The following ZNF608 variants were observed in gnomAD, a reference collection of about 807,000 sequenced individuals.
ZNF608 encodes renal carcinoma antigen NY-REN-36.
A neutral mutation model predicts 109.0 loss-of-function variants in ZNF608; 12 were observed. That is an observed-to-expected ratio of 0.11 (90% confidence interval 0.07 to 0.18). ZNF608 has a LOEUF of 0.18. ZNF608 is among the 10% of genes least tolerant of loss of function. The probability of loss-of-function intolerance (pLI) is 1.00; values close to 1 mark genes in which losing one functional copy is unlikely to be tolerated. For missense variants in ZNF608, 1,707 were observed against 1,879.3 expected (o/e 0.91, Z 1.70); for synonymous variants, 732 against 717.4 (o/e 1.02, Z -0.33).
chr5:124,731,475 T>G (rs1264621895), intron 2 of ZNF608, among the ~76,000 whole-genome samples: 1 of 151,424 alleles, frequency 6.6e-6, no homozygotes, highest in Non-Finnish European at 1.5e-5. Flanking sequence ...CCTTCCAAAG[T>G]GCTGGGATTA....
intron 3 of ZNF608, among the ~76,000 whole-genome samples, chr5:124,676,360 T>C (rs1751945861): frequency 6.6e-6 from 1 of 152,206 alleles, no homozygotes. Context: ...AAAATTCCAT[T>C]TGACTCTTCA....
At chr5:124,723,356 T>C (rs947435943) in intron 2 of ZNF608, among the ~76,000 whole-genome samples, 5 of 152,140 alleles carry the variant, frequency 3.3e-5, no homozygotes, top group Admixed American at 3.3e-4. Flanking sequence ...GGGTTTTGTA[T>C]TGGTTTAGGG....
intron 9 of ZNF608, chr5:124,638,874 C>A: frequency 2.9e-6 from 3 of 1,044,034 alleles, no homozygotes; most frequent in Non-Finnish European, 3.8e-6. Context: ...TTTAGAAATG[C>A]CGTAAGGATA....
At chr5:124,643,372 C>T in intron 7 of ZNF608, 139 bp downstream of exon 7, 1 of 762,550 alleles carries the variant, frequency 1.3e-6, no homozygotes, top group South Asian at 2.1e-5. Context: ...ACGCTCCATT[C>T]TTTACGTATT....
At chr5:124,697,368 T>A (rs1204245865) in intron 3 of ZNF608, among the ~76,000 whole-genome samples, 2 of 151,996 alleles carry the variant, frequency 1.3e-5, no homozygotes, top group Non-Finnish European at 1.5e-5. Flanking sequence ...GTTTGTTTTG[T>A]TATTTTTTTT....
At chr5:124,716,097 C>T (rs1262504284) in intron 2 of ZNF608, among the ~76,000 whole-genome samples, 1 of 143,696 alleles carries the variant, frequency 7.0e-6, no homozygotes, top group Non-Finnish European at 1.5e-5. Flanking sequence ...GAGCCGAGAT[C>T]GCGCCACTGC....
intron 3 of ZNF608, among the ~76,000 whole-genome samples, chr5:124,658,320 A>C (rs1331921197): frequency 6.6e-6 from 1 of 152,258 alleles, no homozygotes; most frequent in Non-Finnish European, 1.5e-5. Flanking sequence ...GAGGACAGGA[A>C]GATAGAATCA....
At chr5:124,737,023 A>G (rs1749185739) in intron 2 of ZNF608, among the ~76,000 whole-genome samples, 1 of 152,200 alleles carries the variant, frequency 6.6e-6, no homozygotes, top group Non-Finnish European at 1.5e-5. Context: ...TTACCCTTCA[A>G]TGAAAAGAAG....
At chr5:124,694,701 C>T (rs528569173) in intron 3 of ZNF608, among the ~76,000 whole-genome samples, 1 of 152,036 alleles carries the variant, frequency 6.6e-6, no homozygotes, top group African/African-American at 2.4e-5. Flanking sequence ...AGGTATATCT[C>T]CTAATGCTAT....
At position 124,701,240 on chromosome 5, in the gene ZNF608, T is replaced by C; in HGVS notation, c.936A>G (p.Pro312=). The change falls in exon 3 of 10, where the codon CCA becomes CCG. Residue 312 remains proline, a synonymous_variant. Coordinates refer to ENST00000513986, the MANE Select transcript of ZNF608 (RefSeq NM_020747.3). The stretch of plus-strand genomic sequence containing the variant: ...TGAGACTGCTGGAAATCGGCGGTGG[T>C]GGCGCTGGCACTGTAAACAGGGGGT... ...KVDPLFTVPA[P]PPPISSSLTP... 1 of 1,614,064 alleles carries C rather than the reference T, an allele frequency of 6.2e-7. No individual in the cohort carries two copies. Among genetic ancestry groups the C allele is most frequent in the Non-Finnish European group, 8.5e-7 (1 of 1,179,982 alleles).
At chr5:124,643,151 T>G (rs891723944) in intron 7 of ZNF608, among the ~76,000 whole-genome samples, 3 of 152,188 alleles carry the variant, frequency 2.0e-5, no homozygotes, top group African/African-American at 7.2e-5. Context: ...CTTACCAAAA[T>G]TATATAAAAT....
At chr5:124,660,843 A>G (rs1751228747) in intron 3 of ZNF608, among the ~76,000 whole-genome samples, 1 of 152,232 alleles carries the variant, frequency 6.6e-6, no homozygotes, top group Non-Finnish European at 1.5e-5. Flanking sequence ...GAAGAATGGA[A>G]GGAGATGCCA....
intron 5 of ZNF608, among the ~76,000 whole-genome samples, chr5:124,646,158 C>T (rs868066358): frequency 1.3e-5 from 2 of 152,038 alleles, no homozygotes; most frequent in African/African-American, 2.4e-5. Context: ...GTCAGGAGAT[C>T]GAGACCATCT....
intron 2 of ZNF608, among the ~76,000 whole-genome samples, chr5:124,738,761 T>C (rs1233528294): frequency 1.3e-5 from 2 of 152,314 alleles, no homozygotes; most frequent in Middle Eastern, 3.4e-3. Context: ...CTGTACCCAC[T>C]TTTCACTTTA....
At chr5:124,719,802 C>T (rs1161932218) in intron 2 of ZNF608, among the ~76,000 whole-genome samples, 2 of 152,098 alleles carry the variant, frequency 1.3e-5, no homozygotes, top group East Asian at 1.9e-4. Flanking sequence ...CCATACATGC[C>T]CAGTAAAATC....
At chr5:124,642,772 C>T (rs1750305816) in intron 7 of ZNF608, among the ~76,000 whole-genome samples, 1 of 144,146 alleles carries the variant, frequency 6.9e-6, no homozygotes, top group Non-Finnish European at 1.5e-5. Flanking sequence ...AATCTCTGCT[C>T]ACTGCAACCT....
chr5:124,641,739 T>C (rs1179092754), intron 7 of ZNF608, among the ~76,000 whole-genome samples: 1 of 152,210 alleles, frequency 6.6e-6, no homozygotes, highest in Non-Finnish European at 1.5e-5. Flanking sequence ...TTTTACAAAA[T>C]AAGTAGTTTT....
chr5:124,741,385 T>C (rs1349041966), intron 2 of ZNF608, among the ~76,000 whole-genome samples: 1 of 126,898 alleles, frequency 7.9e-6, no homozygotes, highest in East Asian at 2.1e-4. Flanking sequence ...CCTGTGAACC[T>C]TCCAACCAGA....
chr5:124,696,473 A>G (rs1325369619), intron 3 of ZNF608, among the ~76,000 whole-genome samples: 1 of 152,126 alleles, frequency 6.6e-6, no homozygotes, highest in Non-Finnish European at 1.5e-5. Context: ...CCTTAATACT[A>G]TGGGGTTCTG....
Sources: gnomAD v4.1 joint callset for allele counts (sites outside exome capture counted in the v4.1 genomes callset) on GRCh38, gnomAD v4.1.1 for gene constraint, MANE v1.5 for transcripts, NCBI Gene and HGNC (gene_info 2026-07-23, HGNC 2026-07-21) for gene names.